The following SLC22A25 variants were observed in gnomAD, a reference collection of about 807,000 sequenced individuals.
The protein encoded by SLC22A25 is MGI:2442751, MGI:2385316, MGI:3042283, MGI:3645714, MGI:3605624, MGI:2442750.
In SLC22A25, 44 loss-of-function variants were observed where a neutral mutation model predicts 45.9. The observed-to-expected ratio is 0.96, with a 90% CI of 0.75 to 1.23. SLC22A25 has a LOEUF of 1.23. SLC22A25 is among the 50% of genes most tolerant of loss of function. The pLI, the probability that SLC22A25 is intolerant of heterozygous loss-of-function variation, is 0.00. For synonymous variants in SLC22A25, 283 were observed against 238.6 expected (o/e 1.19, Z -1.72); for missense variants, 800 against 666.4 (o/e 1.20, Z -2.21).
chr11:63,231,814 G>A (rs1185304195), intron 3 of SLC22A25, among the ~76,000 whole-genome samples: 1 of 152,174 alleles, frequency 6.6e-6, no homozygotes, highest in Admixed American at 6.5e-5. Flanking sequence ...TTTGTGTAAG[G>A]TATAAGGAAG....
intron 7 of SLC22A25, among the ~76,000 whole-genome samples, chr11:63,197,403 C>T (rs981732546): frequency 1.3e-5 from 2 of 152,188 alleles, no homozygotes; most frequent in Admixed American, 1.3e-4. Context: ...GGTACCAAAA[C>T]AGAGATATAG....
chr11:63,223,742 T>C (rs1416219037), intron 5 of SLC22A25, among the ~76,000 whole-genome samples: 3 of 152,112 alleles, frequency 2.0e-5, no homozygotes, highest in Non-Finnish European at 2.9e-5. Flanking sequence ...CTTTTTGATG[T>C]AGGCACTTAT....
intron 1 of SLC22A25, among the ~76,000 whole-genome samples, chr11:63,239,460 A>G (rs1299889395): frequency 6.6e-6 from 1 of 152,240 alleles, no homozygotes. Flanking sequence ...TTCTGTAAAT[A>G]CAGTAAAATA....
chr11:63,200,845 C>T (rs1448045383), intron 7 of SLC22A25, among the ~76,000 whole-genome samples: 1 of 152,180 alleles, frequency 6.6e-6, no homozygotes, highest in Non-Finnish European at 1.5e-5. Flanking sequence ...AAATCACTAG[C>T]ATTCCTGTAC....
At chr11:63,216,501 A>C (rs2089714241) in intron 7 of SLC22A25, among the ~76,000 whole-genome samples, 1 of 152,224 alleles carries the variant, frequency 6.6e-6, no homozygotes, top group Non-Finnish European at 1.5e-5. Context: ...GACTGGACCA[A>C]GAAAATTGGT....
intron 3 of SLC22A25, among the ~76,000 whole-genome samples, chr11:63,230,979 C>G (rs1420532304): frequency 6.6e-6 from 1 of 152,180 alleles, no homozygotes; most frequent in Non-Finnish European, 1.5e-5. Context: ...AGGACATGAA[C>G]TCATCATTTT....
At position 63,163,824 on chromosome 11, in the gene SLC22A25, C is replaced by T; in HGVS notation, c.1644G>A (p.Ter548=). ...LAAPQRSSVL[*] is the part of the protein sequence containing the mutation. ...GTGTTTTGCTTTCCTCAGCACAGAC[C>T]TATAGCACAGAGCTCCTCTGAGGGG... Residue 548 remains the stop codon, a stop_retained_variant, in exon 12 of 12, where the codon TAG becomes TAA. Transcript: ENST00000306494. 1 of 1,611,766 alleles carries T rather than the reference C, an allele frequency of 6.2e-7. No individual in the cohort carries two copies. Among genetic ancestry groups the T allele is most frequent in the Non-Finnish European group, 8.5e-7 (1 of 1,178,764 alleles).
At chr11:63,180,196 G>C (rs1009295602) in intron 9 of SLC22A25, among the ~76,000 whole-genome samples, 2 of 152,130 alleles carry the variant, frequency 1.3e-5, no homozygotes, top group African/African-American at 4.8e-5. Flanking sequence ...GTGCGGTTGA[G>C]GGGTAGGATT....
intron 7 of SLC22A25, among the ~76,000 whole-genome samples, chr11:63,198,725 A>C (rs2089141961): frequency 6.6e-6 from 1 of 152,188 alleles, no homozygotes; most frequent in Admixed American, 6.6e-5. Context: ...AATAAAAAAA[A>C]GAAAAAAGAA....
intron 7 of SLC22A25, among the ~76,000 whole-genome samples, chr11:63,188,756 C>T (rs185141692): frequency 2.1e-4 from 32 of 152,220 alleles, no homozygotes; most frequent in African/African-American, 7.7e-4. Context: ...TCTTTGTTCT[C>T]GTTGGCTTCA....
chr11:63,197,911 G>A (rs539356442), intron 7 of SLC22A25, among the ~76,000 whole-genome samples: 9 of 152,104 alleles, frequency 5.9e-5, no homozygotes, highest in Middle Eastern at 3.4e-3. Flanking sequence ...AAAAGTGGGC[G>A]AAGGATATGA....
In SLC22A25 at chr11:63,229,906, A is replaced by G. The variant is rs1285459475; in HGVS notation, c.-254T>C. 6.6e-6 allele frequency among the ~76,000 whole-genome samples: 1 copy of G among 152,138 alleles called. No homozygotes were observed. Among genetic ancestry groups the G allele is most frequent in the Non-Finnish European group, 1.5e-5 (1 of 68,034 alleles). ...ATAATTGGCTCAGATACTTCCAACC[A>G]TTTTCAATGAAATGTGTTTAAACAT... On this transcript the variant is annotated 5_prime_UTR_variant, in exon 4 of 12. The change abolishes an upstream ATG in the 5' untranslated region. Transcript: ENST00000306494.
intron 9 of SLC22A25, among the ~76,000 whole-genome samples, chr11:63,175,051 A>G (rs2088035906): frequency 6.6e-6 from 1 of 152,102 alleles, no homozygotes; most frequent in Non-Finnish European, 1.5e-5. Context: ...TTGCTTCTAC[A>G]TCTTGGCAAT....
At chr11:63,180,088 G>A (rs2088264479) in intron 9 of SLC22A25, among the ~76,000 whole-genome samples, 1 of 152,084 alleles carries the variant, frequency 6.6e-6, no homozygotes, top group South Asian at 2.1e-4. Flanking sequence ...AACTGTTTTT[G>A]GTTTCGTGCT....
chr11:63,232,064 C>T (rs1475726530), intron 3 of SLC22A25, among the ~76,000 whole-genome samples: 3 of 152,076 alleles, frequency 2.0e-5, no homozygotes, highest in Admixed American at 6.6e-5. Context: ...AGTCAGGTAG[C>T]GTGATGCTTC....
rs1031716586 is a variant in SLC22A25 at position 63,163,295 on chromosome 11, A to T, written c.*529T>A. ...TCTTCATTACTTAAAAAATTCCTTT[A>T]CTTATCACTTCTTTTCCCCTTTTCC... On this transcript the variant is annotated 3_prime_UTR_variant, in exon 12 of 12. Transcript: ENST00000306494. 3.3e-5 allele frequency among the ~76,000 whole-genome samples: 5 copies of T among 152,236 alleles called. No individual in the cohort carries two copies. The East Asian group carries it at 9.6e-4, about 29-fold the overall frequency.
intron 7 of SLC22A25, among the ~76,000 whole-genome samples, chr11:63,184,391 A>G (rs187437554): frequency 1.3e-5 from 2 of 152,242 alleles, no homozygotes; most frequent in East Asian, 3.9e-4. Flanking sequence ...CAAGGAGTAC[A>G]CTTTCTCTCT....
Position 63,166,159 on chromosome 11 carries a change from G to A in SLC22A25, c.1170C>T (p.Leu390=). ...LLQTLFGAVT[L]LANCVAPWAL... is the part of the protein sequence containing the mutation. ...CCCAAGGTGCAACACAATTGGCCAG[G>A]AGGGTGACTGCACCAAAGAGAGTCT... The change falls in exon 10 of 12, where the codon CTC becomes CTT. Residue 390 remains leucine (L), a synonymous_variant. Coordinates refer to ENST00000306494, the MANE Select transcript of SLC22A25 (RefSeq NM_199352.6). 7 of 1,614,054 alleles carry A rather than the reference G, an allele frequency of 4.3e-6. No homozygotes were observed. Among genetic ancestry groups the A allele is most frequent in the Non-Finnish European group, 5.9e-6 (7 of 1,179,972 alleles).
rs374500267 is a variant in SLC22A25, at chr11:63,215,109, T to C, written c.830+2205A>G. Among the ~76,000 whole-genome samples the C allele has an allele frequency of 4.3e-4, 66 of 152,268 alleles. 3 individuals are homozygous for C. The highest frequency in any genetic ancestry group is 2.3e-3 in the East Asian group (12 of 5,182). ...ATATACCCAAAGGATTATAAATCAT[T>C]CTACTATAAAGACACATGCACACAT... On this transcript the variant is annotated intron_variant, in intron 7 of 11. Transcript: ENST00000306494.
Sources: allele counts gnomAD v4.1 joint callset (sites outside exome capture counted in the v4.1 genomes callset), GRCh38; gene constraint gnomAD v4.1.1; transcripts MANE v1.5; gene names NCBI Gene and HGNC (gene_info 2026-07-23, HGNC 2026-07-21).